Variants in RAB38 observed in about 807,000 individuals in gnomAD.
RAB38 encodes RAB38, member RAS oncogene family, also known as ras-related protein Rab-38.
In RAB38, 15 loss-of-function variants were observed where a neutral mutation model predicts 18.4. The ratio of observed to expected loss-of-function variants is 0.82; its 90% CI spans 0.55 to 1.26. RAB38 has a LOEUF of 1.26. Ranked by LOEUF, RAB38 falls within the 50% of genes most tolerant of loss-of-function variation. RAB38 has a pLI of 0.00. For synonymous variants in RAB38, 101 were observed against 104.4 expected (o/e 0.97, Z 0.20); for missense variants, 294 against 267.4 (o/e 1.10, Z -0.69).
At chr11:88,013,863 A>G in the RAB38 span, among the ~76,000 whole-genome samples, 18 of 152,316 alleles carry the variant, frequency 1.2e-4, no homozygotes, top group East Asian at 3.5e-3. Flanking sequence ...CATTAAAATC[A>G]ATAGCACAGT....
At chr11:88,052,929 T>TTTC in the RAB38 span, among the ~76,000 whole-genome samples, 26,473 of 57,640 alleles carry the variant, frequency 0.46, 5,769 homozygotes, top group Non-Finnish European at 0.53. Flanking sequence ...TATATATATA[T>TTTC]ATATATATAT....
chr11:87,857,639 T>A, the RAB38 span, among the ~76,000 whole-genome samples: 1 of 152,194 alleles, frequency 6.6e-6, no homozygotes, highest in East Asian at 1.9e-4. Context: ...TTTTCATGTG[T>A]CTTTTGGCTG....
chr11:88,159,626 C>A (rs953572592), intron 1 of RAB38, among the ~76,000 whole-genome samples: 2 of 151,952 alleles, frequency 1.3e-5, no homozygotes, highest in Non-Finnish European at 1.5e-5. Context: ...ATTACAAAAA[C>A]AGACACATAG....
chr11:87,968,549 GTA>G, the RAB38 span, among the ~76,000 whole-genome samples: 1 of 152,020 alleles, frequency 6.6e-6, no homozygotes, highest in Non-Finnish European at 1.5e-5. Flanking sequence ...AGCTTCAAGT[GTA>G]CAGATACAGA....
the RAB38 span, among the ~76,000 whole-genome samples, chr11:87,855,315 C>T: frequency 6.6e-6 from 1 of 152,016 alleles, no homozygotes; most frequent in South Asian, 2.1e-4. Context: ...ATATCATACC[C>T]AGGAAAAAAC....
intron 1 of RAB38, among the ~76,000 whole-genome samples, chr11:88,161,102 G>A (rs1324310326): frequency 6.6e-6 from 1 of 152,006 alleles, no homozygotes; most frequent in Non-Finnish European, 1.5e-5. Context: ...ATATGCCCAA[G>A]AAAAATACAC....
the RAB38 span, among the ~76,000 whole-genome samples, chr11:87,886,824 G>GTTTTTTTT: frequency 6.5e-5 from 9 of 139,024 alleles, no homozygotes; most frequent in Non-Finnish European, 7.7e-5. Flanking sequence ...TGAAGCACTT[G>GTTTTTTTT]TTTTTTTTTT....
the RAB38 span, among the ~76,000 whole-genome samples, chr11:88,022,543 G>A: frequency 4.6e-5 from 6 of 130,526 alleles, no homozygotes; most frequent in Non-Finnish European, 9.2e-5. Flanking sequence ...AAATTGGAAA[G>A]GAAGAAGCCA....
the RAB38 span, among the ~76,000 whole-genome samples, chr11:87,810,539 TA>T: frequency 6.6e-6 from 1 of 152,156 alleles, no homozygotes; most frequent in Admixed American, 6.5e-5. Context: ...TATCATGCAG[TA>T]AAAAAATAAG....
At chr11:88,114,685 A>G (rs961862644) in intron 2 of RAB38, among the ~76,000 whole-genome samples, 2 of 152,218 alleles carry the variant, frequency 1.3e-5, no homozygotes, top group Non-Finnish European at 2.9e-5. Context: ...TCAAAATGTG[A>G]GAAGTAATGT....
At chr11:87,966,541 A>T in the RAB38 span, among the ~76,000 whole-genome samples, 1 of 152,190 alleles carries the variant, frequency 6.6e-6, no homozygotes, top group Non-Finnish European at 1.5e-5. Context: ...TGCAACATGC[A>T]AGAGAGGAGA....
the RAB38 span, among the ~76,000 whole-genome samples, chr11:88,009,663 A>T: frequency 6.6e-6 from 1 of 152,214 alleles, no homozygotes; most frequent in African/African-American, 2.4e-5. Context: ...GGAGATCAAA[A>T]TACCAAAGGA....
At chr11:87,881,812 T>A in the RAB38 span, among the ~76,000 whole-genome samples, 1 of 151,866 alleles carries the variant, frequency 6.6e-6, no homozygotes, top group Non-Finnish European at 1.5e-5. Context: ...TTCTTTATCC[T>A]GCTAAAAGCA....
intron 2 of RAB38, among the ~76,000 whole-genome samples, chr11:88,130,124 C>G (rs1219134322): frequency 1.3e-5 from 2 of 151,884 alleles, no homozygotes; most frequent in Non-Finnish European, 2.9e-5. Flanking sequence ...GGGAAACAGT[C>G]CATAAAATTG....
At chr11:87,850,614 G>A in the RAB38 span, among the ~76,000 whole-genome samples, 13 of 151,386 alleles carry the variant, frequency 8.6e-5, no homozygotes, top group South Asian at 2.1e-4. Context: ...ATATATTTTC[G>A]GCACAATATC....
At chr11:87,832,711 C>T in the RAB38 span, among the ~76,000 whole-genome samples, 1 of 152,144 alleles carries the variant, frequency 6.6e-6, no homozygotes, top group Non-Finnish European at 1.5e-5. Context: ...TCCTCTTTTA[C>T]TTCCATGTGG....
At chr11:87,952,454 C>T in the RAB38 span, among the ~76,000 whole-genome samples, 3 of 152,250 alleles carry the variant, frequency 2.0e-5, no homozygotes, top group African/African-American at 7.2e-5. Context: ...TTGGTATATC[C>T]ACATTCTCCT....
chr11:87,807,052 C>A, the RAB38 span, among the ~76,000 whole-genome samples: 3 of 152,078 alleles, frequency 2.0e-5, no homozygotes, highest in Admixed American at 2.0e-4. Context: ...GTATTAGATT[C>A]TCATAGGAGC....
the RAB38 span, among the ~76,000 whole-genome samples, chr11:87,874,494 T>G: frequency 6.6e-6 from 1 of 151,062 alleles, no homozygotes; most frequent in Non-Finnish European, 1.5e-5. Context: ...CACCGGGGCC[T>G]GTTGTGGGGT....
Sources: allele counts gnomAD v4.1 joint callset (sites outside exome capture counted in the v4.1 genomes callset), GRCh38; gene constraint gnomAD v4.1.1; transcripts MANE v1.5; gene names NCBI Gene and HGNC (gene_info 2026-07-23, HGNC 2026-07-21).